The following ECSCR variants were observed in gnomAD, a reference collection of about 807,000 sequenced individuals.
The protein encoded by ECSCR is endothelial cell-specific chemotaxis regulator.
ECSCR carries 12 observed loss-of-function variants against 16.7 expected under a neutral mutation model. That is an observed-to-expected ratio of 0.72 (90% CI 0.46 to 1.17). The LOEUF (loss-of-function observed/expected upper bound fraction) is 1.17. Among genes scored for constraint, ECSCR ranks in the 50% most tolerant of loss-of-function variants. The pLI, the probability that ECSCR is intolerant of heterozygous loss-of-function variation, is 0.00. For synonymous variants in ECSCR, 44 were observed against 42.2 expected (o/e 1.04, Z -0.17); for missense variants, 122 against 116.1 (o/e 1.05, Z -0.23).
chr5:139,457,937 T>A, intron 2 of ECSCR, 130 bp from the exon 3 acceptor site: 1 of 1,218,540 alleles, frequency 8.2e-7, no homozygotes, highest in Non-Finnish European at 1.2e-6. Context: ...CATTCACCTC[T>A]TTTTTCTTTC....
chr5:139,457,976 A>G, intron 2 of ECSCR, 163 bp downstream of exon 2: 2 of 629,028 alleles, frequency 3.2e-6, no homozygotes, highest in Non-Finnish European at 4.0e-6. Flanking sequence ...CTAGGCTGAA[A>G]AAAAATCCTT....
intron 1 of ECSCR, among the ~76,000 whole-genome samples, 184 bp downstream of exon 1, chr5:139,462,426 C>T (rs1340063995): frequency 6.6e-6 from 1 of 152,208 alleles, no homozygotes; most frequent in African/African-American, 2.4e-5. Flanking sequence ...AACCGTAGCT[C>T]CATTTTACCC....
Position 139,457,599 on chromosome 5 carries a change from T to C in ECSCR, c.163A>G (p.Ile55Val). The C allele has an allele frequency of 1.2e-6, 1 of 853,058 alleles. No homozygotes were observed. Among genetic ancestry groups the C allele is most frequent in the South Asian group, 1.3e-5 (1 of 76,058 alleles). 52.8% of individuals were successfully genotyped at this position (853,058 alleles called of 1,614,324 possible). Residue 55 changes from isoleucine (I) to valine (V), a missense_variant, in exon 4 of 10, where the codon ATC becomes GTC. By Grantham distance (29) the Ile-to-Val change is conservative. Transcript: ENST00000618155. ...TEPVSSNPGYIPSSEANRPSH... is the reference protein window; with the variant it reads ...TEPVSSNPGYVPSSEANRPSH... ...GGCCTGTTAGCCTCTGAGGAAGGGATGTATCCTGCAAGGACAGAGGCAGAT... is the reference window on the plus strand; with the variant it reads ...GGCCTGTTAGCCTCTGAGGAAGGGACGTATCCTGCAAGGACAGAGGCAGAT...
chr5:139,449,833 T>C (rs954083729), intron 8 of ECSCR, among the ~76,000 whole-genome samples: 1 of 152,056 alleles, frequency 6.6e-6, no homozygotes, highest in Admixed American at 6.6e-5. Context: ...ACAATCTACC[T>C]GCCTCAGCGT....
chr5:139,459,797 G>GC (rs1029968662), intron 1 of ECSCR, among the ~76,000 whole-genome samples: 4 of 152,190 alleles, frequency 2.6e-5, no homozygotes, highest in African/African-American at 9.7e-5. Context: ...GGTGCCAGGG[G>GC]CCCACCCCAG....
At chr5:139,448,936 G>T (rs1455448616) in intron 9 of ECSCR, 28 bp from the exon 10 acceptor site, 2 of 1,537,088 alleles carry the variant, frequency 1.3e-6, no homozygotes, top group Non-Finnish European at 1.7e-6. Flanking sequence ...AATGGGGAAG[G>T]GTGAACTTTT....
intron 8 of ECSCR, among the ~76,000 whole-genome samples, chr5:139,450,365 A>G (rs937695549): frequency 6.6e-6 from 1 of 151,780 alleles, no homozygotes; most frequent in Non-Finnish European, 1.5e-5. Flanking sequence ...TTAGCTGGGC[A>G]TGGTGGCACA....
rs561747287 is a variant in ECSCR at position 139,449,193 on chromosome 5, C to G, written c.513-19G>C. ...GGAGCAGCTGGGGGAGGAAGGGGGT[C>G]TGGGTTAAAGAGAGGAGGAGGGCAG... On this transcript the variant is annotated intron_variant, in intron 8 of 9. Coordinates refer to ENST00000618155, the MANE Select transcript of ECSCR (RefSeq NM_001077693.4). 1 of 1,531,498 alleles carries G rather than the reference C, an allele frequency of 6.5e-7. No homozygotes were observed. The highest frequency in any genetic ancestry group is 1.4e-5 in the African/African-American group (1 of 72,960). 94.9% of individuals were successfully genotyped at this position (1,531,498 alleles called of 1,614,324 possible). A position where few individuals can be genotyped will look rare whatever the true frequency, so the allele number is the denominator to read the frequency against.
intron 6 of ECSCR, 43 bp from the exon 7 acceptor site, chr5:139,454,966 G>C (rs1191749579): frequency 2.5e-6 from 1 of 398,034 alleles, no homozygotes; most frequent in Non-Finnish European, 4.4e-6. Flanking sequence ...CAGTCGGGGG[G>C]ACAAAGGGGC....
intron 8 of ECSCR, among the ~76,000 whole-genome samples, chr5:139,452,494 T>A (rs1751085087): frequency 6.4e-5 from 1 of 15,724 alleles, no homozygotes; most frequent in South Asian, 2.3e-3. Context: ...GTGTGTGGTG[T>A]GTTTGTGATG....
intron 8 of ECSCR, 134 bp from the exon 9 acceptor site, chr5:139,449,308 T>C: frequency 1.5e-6 from 1 of 659,718 alleles, no homozygotes; most frequent in Non-Finnish European, 2.6e-6. Flanking sequence ...CATGATGAAA[T>C]GCGAGTGTGC....
In ECSCR at chr5:139,462,727, GA is replaced by G; in HGVS notation, c.-58del. 1.1e-6 allele frequency: 1 copy of G among 906,490 alleles called. No individual in the cohort carries two copies. The allele number at this position is 906,490 out of a possible 1,614,324, so 56.2% of individuals were successfully genotyped here. On this transcript the variant is annotated 5_prime_UTR_variant, in exon 1 of 10. Coordinates refer to ENST00000618155, the MANE Select transcript of ECSCR (RefSeq NM_001077693.4). ...CTCAGTGGAGGCTCTGTCCATAGTG[GA>G]GAAGAGAGAGGGAGTGCTGGGGCGG... is the stretch of plus-strand genomic sequence containing the variant.
intron 1 of ECSCR, among the ~76,000 whole-genome samples, chr5:139,461,302 A>C (rs72790971): frequency 6.6e-6 from 1 of 152,286 alleles, no homozygotes; most frequent in Non-Finnish European, 1.5e-5. Context: ...TGTTCTCTCA[A>C]ATCCTCCAAG....
At chr5:139,462,550 T>A in intron 1 of ECSCR, 60 bp downstream of exon 1, 1 of 1,504,490 alleles carries the variant, frequency 6.6e-7, no homozygotes, top group Non-Finnish European at 9.1e-7. Context: ...AAGAGACCGA[T>A]GCCTAGAATG....
At chr5:139,455,064 G>GTGAGCTCT in intron 6 of ECSCR, 141 bp from the exon 7 acceptor site, 1 of 326,972 alleles carries the variant, frequency 3.1e-6, no homozygotes. Context: ...TGCTGAACAG[G>GTGAGCTCT]TGAGCTCTCA....
chr5:139,450,674 G>T lies in ECSCR; in HGVS notation c.513-1500C>A, dbSNP rs1751020248. 3.3e-5 allele frequency among the ~76,000 whole-genome samples: 5 copies of T among 151,760 alleles called. No individual in the cohort carries two copies. In the South Asian group the frequency reaches 1.0e-3, roughly 32 times the overall value. On this transcript the variant is annotated intron_variant, in intron 8 of 9. Coordinates refer to ENST00000618155, the MANE Select transcript of ECSCR (RefSeq NM_001077693.4). ...GCCTGTAGTCCCAGCTACTCGGGAG[G>T]CTGAGGCAGGAGAATCACTTGAACC...
intron 8 of ECSCR, among the ~76,000 whole-genome samples, chr5:139,454,228 TGTGTGGGGGTC>T: frequency 7.1e-6 from 1 of 140,912 alleles, no homozygotes; most frequent in African/African-American, 2.7e-5. Flanking sequence ...TGGGAGTGTG[TGTGTGGGGGTC>T]GTGTGGTGTG....
At position 139,457,750 on chromosome 5, in the gene ECSCR, C is replaced by T; in HGVS notation, c.157+7G>A. On this transcript the variant is annotated splice_region_variant and intron_variant, in intron 3 of 9. Coordinates refer to ENST00000618155, the MANE Select transcript of ECSCR (RefSeq NM_001077693.4). ...GAGCAGGGACCTCAGCAACCACACT[C>T]ACTCACCTGGGTTGGAAGAAACTGG... 5 of 1,613,288 alleles carry T rather than the reference C, an allele frequency of 3.1e-6. No homozygotes were observed. The highest frequency in any genetic ancestry group is 2.2e-5 in the East Asian group (1 of 44,862).
In ECSCR at chr5:139,448,948, A is replaced by C. The variant is rs778975447; in HGVS notation, c.610-40T>G. On this transcript the variant is annotated intron_variant, in intron 9 of 9. Coordinates refer to ENST00000618155, the MANE Select transcript of ECSCR (RefSeq NM_001077693.4). ...CATAATGGGGAAGGGTGAACTTTTTAGGATTGGCAGGGTACAGAAGAGGGG... is the reference window on the plus strand; with the variant it reads ...CATAATGGGGAAGGGTGAACTTTTTCGGATTGGCAGGGTACAGAAGAGGGG... 3.3e-6 allele frequency: 5 copies of C among 1,537,188 alleles called. No homozygotes were observed. In the South Asian group the frequency reaches 4.8e-5, roughly 15 times the overall value.
Sources: allele counts gnomAD v4.1 joint callset (sites outside exome capture counted in the v4.1 genomes callset), GRCh38; gene constraint gnomAD v4.1.1; transcripts MANE v1.5; gene names NCBI Gene and HGNC (gene_info 2026-07-23, HGNC 2026-07-21).